Variants in SEL1L observed in about 807,000 individuals in gnomAD.
The protein encoded by SEL1L is SEL1L adaptor subunit of SYVN1 ubiquitin ligase.
SEL1L carries 52 observed loss-of-function variants against 109.8 expected under a neutral mutation model. That is an observed-to-expected ratio of 0.47 (90% confidence interval 0.38 to 0.60). The LOEUF (loss-of-function observed/expected upper bound fraction) is 0.60, where lower values mean the gene tolerates loss of function less well. Among genes scored for constraint, SEL1L ranks in the 20% least tolerant of loss-of-function variants. SEL1L has a pLI of 0.00. For missense variants in SEL1L, 749 were observed against 962.2 expected, an observed-to-expected ratio of 0.78 and a Z score of 2.93; for synonymous variants, 373 against 339.6, an observed-to-expected ratio of 1.10 and a Z score of -1.08.
intron 3 of SEL1L, among the ~76,000 whole-genome samples, chr14:81,524,515 C>T (rs1037045106): frequency 3.3e-5 from 5 of 152,120 alleles, no homozygotes; most frequent in African/African-American, 9.7e-5. Flanking sequence ...AGATCCAAAA[C>T]GTGGGAAACT....
intron 3 of SEL1L, among the ~76,000 whole-genome samples, chr14:81,517,246 G>A (rs1884736793): frequency 6.6e-6 from 1 of 152,138 alleles, no homozygotes; most frequent in East Asian, 1.9e-4. Context: ...GGATGCCCCT[G>A]ACTGCTTTTA....
chr14:81,533,447 G>C (rs1428169642), intron 1 of SEL1L, among the ~76,000 whole-genome samples: 2 of 152,204 alleles, frequency 1.3e-5, no homozygotes, highest in African/African-American at 2.4e-5. Context: ...TGTTACGTGG[G>C]AGAGAGGTGT....
In SEL1L at chr14:81,477,146, C is replaced by T. The variant is rs1903186526; in HGVS notation, c.2211G>A (p.Gln737=). Residue 737 remains glutamine (Q), a synonymous_variant, in exon 21 of 21, where the codon CAG becomes CAA. Transcript: ENST00000336735. ...AAAGGTCCCACTCAGGTCCCAAAAGCTGGTCCATATCAAGTTGGGTGAACA... is the reference window on the plus strand; with the variant it reads ...AAAGGTCCCACTCAGGTCCCAAAAGTTGGTCCATATCAAGTTGGGTGAACA... The part of the protein sequence containing the change: ...RDMFTQLDMD[Q]LLGPEWDLYL... The T allele has an allele frequency of 6.2e-7, 1 of 1,614,144 alleles. No individual in the cohort carries two copies. Among genetic ancestry groups the T allele is most frequent in the Non-Finnish European group, 8.5e-7 (1 of 1,180,022 alleles).
intron 3 of SEL1L, among the ~76,000 whole-genome samples, chr14:81,522,762 G>A (rs899079155): frequency 3.3e-5 from 5 of 152,136 alleles, no homozygotes; most frequent in Admixed American, 2.0e-4. Context: ...ATAAAATGAC[G>A]TAGTACTTGC....
At chr14:81,519,703 C>G (rs1051088158) in intron 3 of SEL1L, among the ~76,000 whole-genome samples, 1 of 151,994 alleles carries the variant, frequency 6.6e-6, no homozygotes, top group African/African-American at 2.4e-5. Flanking sequence ...GAAGCTCTTA[C>G]ATATAGTAAA....
chr14:81,513,654 G>A (rs190193522), intron 3 of SEL1L, among the ~76,000 whole-genome samples: 33 of 152,198 alleles, frequency 2.2e-4, no homozygotes, highest in African/African-American at 7.0e-4. Context: ...CTTAGAATTC[G>A]GGGGCTAAAT....
chr14:81,479,975 G>T (rs1903296074), intron 19 of SEL1L, among the ~76,000 whole-genome samples: 2 of 152,086 alleles, frequency 1.3e-5, no homozygotes, highest in Non-Finnish European at 2.9e-5. Context: ...CATCTAATTT[G>T]CTGTGTAGAT....
chr14:81,485,623 C>G lies in SEL1L; in HGVS notation c.1873+49G>C, dbSNP rs1278078042. Reference sequence around the variant, plus strand: ...TTTAATGTTCATGGGAGATAAACAACATAGGGAGGTCCCTGGGTGAAACTC... The same window carrying G: ...TTTAATGTTCATGGGAGATAAACAAGATAGGGAGGTCCCTGGGTGAAACTC... On this transcript the variant is annotated intron_variant, in intron 18 of 20. Transcript: ENST00000336735. The G allele has an allele frequency of 2.1e-6, 3 of 1,462,068 alleles. No individual in the cohort carries two copies. In the African/African-American group the frequency reaches 4.2e-5, roughly 20 times the overall value. The allele number at this position is 1,462,068 out of a possible 1,614,324, so 90.6% of individuals were successfully genotyped here. A position where few individuals can be genotyped will look rare whatever the true frequency, so the allele number is the denominator to read the frequency against.
intron 3 of SEL1L, among the ~76,000 whole-genome samples, chr14:81,522,708 C>A (rs11845314): frequency 0.023 from 3,432 of 152,276 alleles, 146 homozygotes; most frequent in African/African-American, 0.079. Context: ...GGTCCAGGAC[C>A]TGGCCTGGTG....
intron 1 of SEL1L, among the ~76,000 whole-genome samples, chr14:81,529,206 T>C (rs1885234689): frequency 6.6e-6 from 1 of 152,156 alleles, no homozygotes. Flanking sequence ...TCTTCACAAG[T>C]ATTACCCAAA....
chr14:81,497,922 G>A lies in SEL1L; in HGVS notation c.1098C>T (p.Phe366=). ...CTTGTACATCACCTTTTTCAGCTAG[G>A]AACTGGTAATATTGAATCAAATCTT... ...LEEDLIQYYQ[F]LAEKGDVQAQ... The change falls in exon 10 of 21, where the codon TTC becomes TTT. Residue 366 remains phenylalanine, a synonymous_variant. Transcript: ENST00000336735. 6.2e-7 allele frequency: 1 copy of A among 1,613,726 alleles called. No homozygotes were observed. Among genetic ancestry groups the A allele is most frequent in the Non-Finnish European group, 8.5e-7 (1 of 1,179,876 alleles).
At chr14:81,532,613 A>T (rs888487856) in intron 1 of SEL1L, among the ~76,000 whole-genome samples, 1 of 152,180 alleles carries the variant, frequency 6.6e-6, no homozygotes, top group African/African-American at 2.4e-5. Context: ...GATAGAATTT[A>T]GGTTTAAGCC....
intron 3 of SEL1L, among the ~76,000 whole-genome samples, chr14:81,513,691 C>A (rs528101029): frequency 1.1e-4 from 17 of 152,268 alleles, no homozygotes; most frequent in African/African-American, 4.1e-4. Flanking sequence ...CAGTTAAAAG[C>A]GACTAGCGCG....
rs1275739854 is a variant in SEL1L at position 81,498,418 on chromosome 14, T to C, written c.968A>G (p.Asn323Ser). 1.2e-6 allele frequency: 2 copies of C among 1,612,688 alleles called. No homozygotes were observed. Among genetic ancestry groups the C allele is most frequent in the Non-Finnish European group, 1.7e-6 (2 of 1,179,160 alleles). Residue 323 changes from asparagine to serine, a missense_variant, in exon 9 of 21, where the codon AAT becomes AGT. Asn to Ser is a conservative substitution (Grantham distance 46, BLOSUM62 1). Around this residue, in one of 2 missense-constraint regions of SEL1L, gnomAD observed 366 missense variants for 399.8 expected, o/e 0.92. Transcript: ENST00000336735. ...SALTHYRLVA[N>S]HVASDISLTG... The stretch of plus-strand genomic sequence containing the variant: ...AAAAGGGGAAACATAGATACCATGA[T>C]TGGCAACAAGACGATAGTGAGTCAG...
chr14:81,495,178 T>A, intron 10 of SEL1L, 41 bp from the exon 11 acceptor site: 1 of 1,564,938 alleles, frequency 6.4e-7, no homozygotes, highest in African/African-American at 1.3e-5. Context: ...AGTGGTACCA[T>A]CTGGCACACA....
chr14:81,486,518 C>T (rs1903524917), intron 16 of SEL1L, 64 bp from the exon 17 acceptor site: 1 of 1,529,736 alleles, frequency 6.5e-7, no homozygotes, highest in Non-Finnish European at 9.0e-7. Flanking sequence ...CAGAAAATCA[C>T]TTATGCACTT....
chr14:81,533,842 C>A lies in SEL1L; in HGVS notation c.-98G>T. ...CGCCGCCTCGCCGCTGCTCTTCCTG[C>A]TCTAGTCTCCTTCCTCCGCCCCTTC... On this transcript the variant is annotated 5_prime_UTR_variant, in exon 1 of 21. Coordinates refer to ENST00000336735, the MANE Select transcript of SEL1L (RefSeq NM_005065.6). 8.1e-7 allele frequency: 1 copy of A among 1,232,552 alleles called. No individual in the cohort carries two copies. Among genetic ancestry groups the A allele is most frequent in the Non-Finnish European group, 1.2e-6 (1 of 861,242 alleles). The allele number at this position is 1,232,552 out of a possible 1,614,324, so 76.4% of individuals were successfully genotyped here.
intron 5 of SEL1L, among the ~76,000 whole-genome samples, chr14:81,503,259 G>T (rs960975132): frequency 6.6e-6 from 1 of 152,190 alleles, no homozygotes; most frequent in South Asian, 2.1e-4. Context: ...TTACAGGCGT[G>T]AGCCACCACG....
intron 1 of SEL1L, among the ~76,000 whole-genome samples, chr14:81,528,117 C>T (rs1468275033): frequency 6.6e-6 from 1 of 152,150 alleles, no homozygotes; most frequent in Non-Finnish European, 1.5e-5. Flanking sequence ...TAATTTCATA[C>T]TCCGGGCTTC....
Sources: gnomAD v4.1 joint callset for allele counts (sites outside exome capture counted in the v4.1 genomes callset) on GRCh38, gnomAD v4.1.1 for gene constraint, gnomAD v4.1.1 regional missense constraint, MANE v1.5 for transcripts, NCBI Gene and HGNC (gene_info 2026-07-23, HGNC 2026-07-21) for gene names.